METAP1: variants seen among roughly 807,000 people sequenced by gnomAD.
METAP1 encodes the protein methionyl aminopeptidase 1.
Under a neutral mutation model 53.8 loss-of-function variants are expected in METAP1, and 28 were observed. The ratio of observed to expected loss-of-function variants is 0.52; its 90% CI spans 0.39 to 0.71. METAP1 has a LOEUF of 0.71. Among genes scored for constraint, METAP1 ranks in the 30% least tolerant of loss-of-function variants. The pLI is 0.00. For missense variants in METAP1, 389 were observed against 479.8 expected, an observed-to-expected ratio of 0.81 and a Z score of 1.77; for synonymous variants, 181 against 165.7, an observed-to-expected ratio of 1.09 and a Z score of -0.71.
chr4:99,022,421 C>T, intron 1 of METAP1: 1 of 667,186 alleles, frequency 1.5e-6, no homozygotes, highest in African/African-American at 1.8e-5. Context: ...TAGGCAGTTG[C>T]CAGGTGAGCC....
chr4:99,038,733 A>T (rs1725618607), intron 4 of METAP1, among the ~76,000 whole-genome samples: 1 of 152,128 alleles, frequency 6.6e-6, no homozygotes, highest in Non-Finnish European at 1.5e-5. Context: ...CAATATTTTT[A>T]AAACTTTTTT....
intron 1 of METAP1, chr4:99,022,216 C>T: frequency 2.5e-6 from 1 of 404,558 alleles, no homozygotes; most frequent in Non-Finnish European, 4.1e-6. Flanking sequence ...TCTAGAAACA[C>T]AATAAAATGT....
At chr4:99,028,486 G>A (rs2110330641) in intron 1 of METAP1, among the ~76,000 whole-genome samples, 1 of 152,020 alleles carries the variant, frequency 6.6e-6, no homozygotes, top group Admixed American at 6.5e-5. Context: ...TGACTGATTG[G>A]GAATCTAACT....
intron 1 of METAP1, chr4:99,022,941 G>T: frequency 6.7e-7 from 1 of 1,499,722 alleles, no homozygotes. Flanking sequence ...CACTGAGAAG[G>T]TTGCGGACAT....
At chr4:99,055,791 C>T (rs957632592) in intron 9 of METAP1, among the ~76,000 whole-genome samples, 1 of 152,186 alleles carries the variant, frequency 6.6e-6, no homozygotes, top group African/African-American at 2.4e-5. Context: ...ATCCTTTTTA[C>T]TTTCTGTGAC....
chr4:99,014,978 T>A (rs542403761), intron 1 of METAP1, among the ~76,000 whole-genome samples: 7 of 152,278 alleles, frequency 4.6e-5, no homozygotes, highest in African/African-American at 1.7e-4. Flanking sequence ...GGTGTTGTAC[T>A]TCAGGATATA....
chr4:99,023,833 C>T, intron 1 of METAP1: 5 of 935,456 alleles, frequency 5.3e-6, no homozygotes, highest in Non-Finnish European at 6.4e-6. Context: ...GCTGCCTAGA[C>T]AGAGCTGATT....
Position 99,045,191 on chromosome 4 carries a change from T to C in METAP1, c.668T>C (p.Leu223Pro). 1 of 1,613,394 alleles carries C rather than the reference T, an allele frequency of 6.2e-7. No homozygotes were observed. Among genetic ancestry groups the C allele is most frequent in the Non-Finnish European group, 8.5e-7 (1 of 1,179,518 alleles). ...CATTCTCTTGCAGTGGATATCACTC[T>C]TTATCGCAATGGTTATCATGGGGAC... is the stretch of plus-strand genomic sequence containing the variant. ...EGDIVNVDIT[L>P]YRNGYHGDLN... is the part of the protein sequence containing the mutation. Residue 223 changes from leucine to proline, a missense_variant, in exon 8 of 11, where the codon CTT becomes CCT. By Grantham distance (98) the Leu-to-Pro change is moderately conservative (BLOSUM62 -3). Transcript: ENST00000296411.
intron 1 of METAP1, among the ~76,000 whole-genome samples, chr4:98,996,859 T>G (rs573938780): frequency 6.6e-6 from 1 of 152,346 alleles, no homozygotes; most frequent in East Asian, 1.9e-4. Context: ...GGTAGCGTCC[T>G]GTGGGGAGGA....
chr4:99,055,976 T>C (rs993597481), intron 9 of METAP1, among the ~76,000 whole-genome samples: 3 of 152,232 alleles, frequency 2.0e-5, no homozygotes, highest in Non-Finnish European at 2.9e-5. Flanking sequence ...TATAACAGTT[T>C]AGAAGCTCCA....
chr4:99,008,264 A>G (rs1183465514), intron 1 of METAP1, among the ~76,000 whole-genome samples: 2 of 152,192 alleles, frequency 1.3e-5, no homozygotes, highest in Admixed American at 1.3e-4. Context: ...GAGCAAGCTG[A>G]GGCATGTAGG....
chr4:99,024,757 C>G (rs62325185), intron 1 of METAP1, among the ~76,000 whole-genome samples: 1 of 152,186 alleles, frequency 6.6e-6, no homozygotes, highest in African/African-American at 2.4e-5. Context: ...TTGTTAGTCC[C>G]ACAAAGGCAG....
At position 99,032,634 on chromosome 4, in the gene METAP1, A is replaced by C. The variant is rs543513109; in HGVS notation, c.167-1596A>C. 2.9e-3 allele frequency among the ~76,000 whole-genome samples: 442 copies of C among 152,282 alleles called. 1 individual carries two copies. Among genetic ancestry groups the C allele is most frequent in the Non-Finnish European group, 5.3e-3 (359 of 68,030 alleles). On this transcript the variant is annotated intron_variant, in intron 2 of 10. Transcript: ENST00000296411. ...CACCTTCTCCTGTTCTCCTCCCCAG[A>C]AGTATGCTAGTGCAAAAAGCCTGCG...
At chr4:99,054,788 G>A (rs1304845953) in intron 9 of METAP1, among the ~76,000 whole-genome samples, 2 of 152,126 alleles carry the variant, frequency 1.3e-5, no homozygotes, top group African/African-American at 4.8e-5. Context: ...CAGGGAATAG[G>A]GAGGCCTGAG....
chr4:99,011,911 G>C (rs1233866936), intron 1 of METAP1, among the ~76,000 whole-genome samples: 2 of 152,326 alleles, frequency 1.3e-5, no homozygotes, highest in Admixed American at 1.3e-4. Context: ...TTTCACTCCA[G>C]CCTGGGCAAC....
chr4:99,049,421 G>A lies in METAP1; in HGVS notation c.931+545G>A, dbSNP rs1410086662. ...CCATTACTCTTCTGATTCCTTAGGT[G>A]AAGTCAGTTCGTCTTGCTTGGTTTG... On this transcript the variant is annotated intron_variant, in intron 9 of 10. Transcript: ENST00000296411. 2.6e-5 allele frequency among the ~76,000 whole-genome samples: 4 copies of A among 152,314 alleles called. No homozygotes were observed. In the East Asian group the frequency reaches 7.7e-4, roughly 29 times the overall value.
At chr4:99,053,163 G>GCCCAA (rs1265562544) in intron 9 of METAP1, among the ~76,000 whole-genome samples, 1 of 152,180 alleles carries the variant, frequency 6.6e-6, no homozygotes, top group Admixed American at 6.5e-5. Context: ...ATCACTTTCT[G>GCCCAA]CCCAACTCAT....
chr4:99,026,277 A>G, intron 1 of METAP1: 6 of 984,946 alleles, frequency 6.1e-6, no homozygotes, highest in Non-Finnish European at 6.0e-6. Flanking sequence ...CTAAAGTTTT[A>G]CCTACTAGTT....
intron 7 of METAP1, among the ~76,000 whole-genome samples, chr4:99,044,528 A>G (rs1726087101): frequency 1.3e-5 from 2 of 152,186 alleles, no homozygotes; most frequent in Admixed American, 6.5e-5. Flanking sequence ...TTTTTCAGGA[A>G]TGTATGTGTT....
Sources: allele counts gnomAD v4.1 joint callset (sites outside exome capture counted in the v4.1 genomes callset), GRCh38; gene constraint gnomAD v4.1.1; transcripts MANE v1.5; gene names NCBI Gene and HGNC (gene_info 2026-07-23, HGNC 2026-07-21).